Variants in CXADR observed in about 807,000 individuals in gnomAD.
CXADR encodes coxsackievirus and adenovirus receptor.
Under a neutral mutation model 40.3 loss-of-function variants are expected in CXADR, and 20 were observed. The observed-to-expected ratio is 0.50, with a 90% CI of 0.35 to 0.72. The LOEUF is 0.72. Among genes scored for constraint, CXADR ranks in the 30% least tolerant of loss-of-function variants. The pLI is 0.01. For synonymous variants in CXADR, 150 were observed against 161.3 expected (o/e 0.93, Z 0.53); for missense variants, 332 against 449.1 (o/e 0.74, Z 2.36).
At chr21:17,627,763 G>A in the CXADR span, among the ~76,000 whole-genome samples, 6 of 152,194 alleles carry the variant, frequency 3.9e-5, no homozygotes, top group Non-Finnish European at 2.9e-5. Flanking sequence ...GGAAAGATGA[G>A]AGAGACAAAA....
chr21:17,557,280 C>A (rs891445564), intron 3 of CXADR, among the ~76,000 whole-genome samples: 3 of 152,120 alleles, frequency 2.0e-5, no homozygotes, highest in Non-Finnish European at 4.4e-5. Flanking sequence ...TAGTGTTGCC[C>A]GCAGACCCAC....
rs1308880067 is a variant in CXADR, at chr21:17,566,170, A to T, written c.*478A>T. 1.0e-6 allele frequency: 1 copy of T among 984,760 alleles called. No individual in the cohort carries two copies. The highest frequency in any genetic ancestry group is 1.7e-5 in the African/African-American group (1 of 57,202). 61.0% of individuals were successfully genotyped at this position (984,760 alleles called of 1,614,324 possible). A position where few individuals can be genotyped will look rare whatever the true frequency, so the allele number is the denominator to read the frequency against. The stretch of plus-strand genomic sequence containing the variant: ...ATATCCATGACAAAATTACTTACGT[A>T]TGTTTGTACTTGGTTTTACAGCTCC... On this transcript the variant is annotated 3_prime_UTR_variant, in exon 7 of 7. Coordinates refer to ENST00000284878, the MANE Select transcript of CXADR (RefSeq NM_001338.5).
intron 1 of CXADR, among the ~76,000 whole-genome samples, chr21:17,540,821 T>G (rs936382299): frequency 1.3e-5 from 2 of 152,240 alleles, no homozygotes; most frequent in Non-Finnish European, 2.9e-5. Flanking sequence ...TGCCACAGTT[T>G]CCAACACTTT....
intron 7 of CXADR, among the ~76,000 whole-genome samples, chr21:17,581,861 A>T (rs1374756468): frequency 1.6e-5 from 2 of 123,780 alleles, no homozygotes; most frequent in Non-Finnish European, 3.5e-5. Flanking sequence ...AAAAAAAAAA[A>T]TTATATTTTT....
chr21:17,536,901 C>T (rs556209202), intron 1 of CXADR, among the ~76,000 whole-genome samples: 5 of 152,154 alleles, frequency 3.3e-5, no homozygotes, highest in South Asian at 2.1e-4. Flanking sequence ...GGACTACAGG[C>T]GCCCACCACC....
intron 7 of CXADR, among the ~76,000 whole-genome samples, chr21:17,577,612 CTTTTTTT>C (rs532541050): frequency 8.2e-5 from 3 of 36,576 alleles, no homozygotes; most frequent in South Asian, 1.9e-3. Context: ...ATTCTGCAAG[CTTTTTTT>C]TTTTTTTTTT....
chr21:17,592,768 TAG>T (rs1331675438), intron 7 of CXADR, among the ~76,000 whole-genome samples: 3 of 151,914 alleles, frequency 2.0e-5, no homozygotes, highest in African/African-American at 2.4e-5. Context: ...AGATATGGTT[TAG>T]AGAGATGTTA....
intron 2 of CXADR, among the ~76,000 whole-genome samples, 198 bp downstream of exon 2, chr21:17,547,391 A>G (rs1390741535): frequency 6.6e-6 from 1 of 152,202 alleles, no homozygotes; most frequent in Non-Finnish European, 1.5e-5. Context: ...GAAATAGATA[A>G]TGAGTGTGAC....
chr21:17,542,951 A>G (rs1026540244), intron 1 of CXADR: 3 of 246,554 alleles, frequency 1.2e-5, no homozygotes, highest in Non-Finnish European at 2.5e-5. Flanking sequence ...TTCCTCTGTG[A>G]AAAGAGGCCC....
At chr21:17,524,713 C>T (rs777912507) in intron 1 of CXADR, among the ~76,000 whole-genome samples, 1 of 151,364 alleles carries the variant, frequency 6.6e-6, no homozygotes, top group Admixed American at 6.6e-5. Context: ...ATAACAAGAC[C>T]TCATCTCTAC....
At chr21:17,617,512 C>T in the CXADR span, among the ~76,000 whole-genome samples, 6 of 152,192 alleles carry the variant, frequency 3.9e-5, no homozygotes, top group Non-Finnish European at 8.8e-5. Context: ...GGAGATATTG[C>T]GAGTTCAGTT....
At chr21:17,573,637 G>A (rs749256956), downstream of CXADR, among the ~76,000 whole-genome samples, 49 of 152,302 alleles carry the variant, frequency 3.2e-4, no homozygotes, top group African/African-American at 5.3e-4. Context: ...GGCTGGGCAC[G>A]GTGGCTCACA....
At chr21:17,570,228 T>A, downstream of CXADR, 1 of 966,244 alleles carries the variant, frequency 1.0e-6, no homozygotes, top group Non-Finnish European at 1.2e-6. Context: ...ACAGAAAGAA[T>A]AAAGATTGCG....
chr21:17,590,846 TCA>T (rs1368414035), intron 7 of CXADR, among the ~76,000 whole-genome samples: 1 of 152,064 alleles, frequency 6.6e-6, no homozygotes, highest in East Asian at 1.9e-4. Context: ...CTTTGTCATC[TCA>T]GTCTTCACTC....
the CXADR span, among the ~76,000 whole-genome samples, chr21:17,628,155 CT>C: frequency 3.9e-5 from 6 of 152,338 alleles, no homozygotes; most frequent in East Asian, 1.2e-3. Flanking sequence ...TTGTTAGGCA[CT>C]GTTCCAAGTT....
At chr21:17,579,009 A>G (rs1408684907) in intron 7 of CXADR, among the ~76,000 whole-genome samples, 1 of 152,136 alleles carries the variant, frequency 6.6e-6, no homozygotes, top group Non-Finnish European at 1.5e-5. Flanking sequence ...AAGACCCAAT[A>G]TAAAAGCTAA....
intron 1 of CXADR, among the ~76,000 whole-genome samples, chr21:17,538,270 G>T (rs949366075): frequency 6.6e-6 from 1 of 152,138 alleles, no homozygotes; most frequent in African/African-American, 2.4e-5. Flanking sequence ...ACAGTGCTGG[G>T]ATTACAGGTG....
intron 1 of CXADR, among the ~76,000 whole-genome samples, chr21:17,516,837 T>C (rs1298547803): frequency 6.6e-6 from 1 of 152,258 alleles, no homozygotes. Context: ...ACAAAAAGTA[T>C]GTGAGGTAAT....
intron 4 of CXADR, 136 bp downstream of exon 4, chr21:17,559,267 C>A: frequency 1.1e-6 from 1 of 876,138 alleles, no homozygotes; most frequent in Non-Finnish European, 1.8e-6. Context: ...GAAGCTTCAA[C>A]CTCCTAGGCT....
Sources: allele counts gnomAD v4.1 joint callset (sites outside exome capture counted in the v4.1 genomes callset), GRCh38; gene constraint gnomAD v4.1.1; transcripts MANE v1.5; gene names NCBI Gene and HGNC (gene_info 2026-07-23, HGNC 2026-07-21).